The following GTF2IRD1 variants were observed in gnomAD, a reference collection of about 807,000 sequenced individuals.
GTF2IRD1 encodes the protein GTF2I repeat domain containing 1, also known as general transcription factor II-I repeat domain-containing protein 1.
In GTF2IRD1, 26 loss-of-function variants were observed where a neutral mutation model predicts 113.2. That is an observed-to-expected ratio of 0.23 (90% CI 0.17 to 0.32). The LOEUF (loss-of-function observed/expected upper bound fraction) is 0.32, where lower values mean the gene tolerates loss of function less well. Among genes scored for constraint, GTF2IRD1 ranks in the 10% least tolerant of loss-of-function variants. The pLI, the probability that GTF2IRD1 is intolerant of heterozygous loss-of-function variation, is 1.00. For missense variants in GTF2IRD1, 864 were observed against 1,280.8 expected (o/e 0.67, Z 4.97); for synonymous variants, 484 against 529.1 (o/e 0.91, Z 1.17).
At chr7:74,563,521 C>G (rs587763302) in intron 22 of GTF2IRD1, among the ~76,000 whole-genome samples, 42 of 151,570 alleles carry the variant, frequency 2.8e-4, no homozygotes, top group African/African-American at 9.9e-4. Flanking sequence ...AGGTTGCAGT[C>G]AGCCAAGATC....
chr7:74,505,003 TG>T (rs1796230237), intron 1 of GTF2IRD1, among the ~76,000 whole-genome samples: 1 of 151,994 alleles, frequency 6.6e-6, no homozygotes, highest in Non-Finnish European at 1.5e-5. Flanking sequence ...CCACTGCGCC[TG>T]GCCCTGCTAT....
rs1167468655 is a variant in GTF2IRD1, at chr7:74,562,555, C to CTTTTTTTTTTTT, written c.2320+2918_2320+2929dup. Among the ~76,000 whole-genome samples the CTTTTTTTTTTTT allele has an allele frequency of 1.9e-4, 12 of 62,706 alleles. 1 individual carries two copies. Among genetic ancestry groups the CTTTTTTTTTTTT allele is most frequent in the African/African-American group, 4.8e-4 (6 of 12,568 alleles). The allele number at this position is 62,706 out of a possible 152,430, so 41.1% of individuals were successfully genotyped here. On this transcript the variant is annotated intron_variant, in intron 22 of 26. Transcript: ENST00000424337. Reference sequence around the variant, plus strand: ...AGGACTATTTTCCGCCAATTGCCCTCTTTTTTTTTTTTTTTTTTTTTTTTT... The same window carrying CTTTTTTTTTTTT: ...AGGACTATTTTCCGCCAATTGCCCTCTTTTTTTTTTTTTTTTTTTTTTTTTTTTTTTTTTTTT...
chr7:74,472,785 A>G (rs1480099488), intron 1 of GTF2IRD1, among the ~76,000 whole-genome samples: 1 of 152,040 alleles, frequency 6.6e-6, no homozygotes, highest in Admixed American at 6.6e-5. Context: ...CAATCAATCA[A>G]TCCACATCCA....
At chr7:74,535,210 C>A in intron 10 of GTF2IRD1, 72 bp downstream of exon 10, 1 of 1,243,576 alleles carries the variant, frequency 8.0e-7, no homozygotes, top group South Asian at 1.2e-5. Flanking sequence ...GCTGCCACCA[C>A]CCTGGACTTG....
chr7:74,581,700 C>A (rs1801430295), intron 22 of GTF2IRD1, among the ~76,000 whole-genome samples: 1 of 152,190 alleles, frequency 6.6e-6, no homozygotes, highest in African/African-American at 2.4e-5. Flanking sequence ...ATGACCCCAC[C>A]TGCAGCTCTC....
At chr7:74,560,340 A>C (rs1213901739) in intron 22 of GTF2IRD1, among the ~76,000 whole-genome samples, 1 of 151,982 alleles carries the variant, frequency 6.6e-6, no homozygotes, top group Non-Finnish European at 1.5e-5. Context: ...TAACCGCAGA[A>C]GGAGGGGTGT....
At chr7:74,496,454 T>C (rs533600317) in intron 1 of GTF2IRD1, among the ~76,000 whole-genome samples, 69 of 142,562 alleles carry the variant, frequency 4.8e-4, no homozygotes, top group Middle Eastern at 3.6e-3. Context: ...TGAGTGTGGG[T>C]GTGCATGTGT....
chr7:74,483,194 A>G (rs1554334973), intron 1 of GTF2IRD1, among the ~76,000 whole-genome samples: 2 of 152,106 alleles, frequency 1.3e-5, no homozygotes, highest in East Asian at 3.9e-4. Context: ...TGCTAAGCAT[A>G]TACTTCTCAG....
At chr7:74,509,321 C>T (rs1554342195) in intron 2 of GTF2IRD1, among the ~76,000 whole-genome samples, 2 of 151,930 alleles carry the variant, frequency 1.3e-5, no homozygotes, top group African/African-American at 2.4e-5. Flanking sequence ...AGCACCACTG[C>T]ACTCCCGCCT....
At chr7:74,495,042 C>G (rs1037400677) in intron 1 of GTF2IRD1, among the ~76,000 whole-genome samples, 16 of 152,352 alleles carry the variant, frequency 1.1e-4, no homozygotes, top group African/African-American at 3.8e-4. Context: ...GCATGAGCCA[C>G]CACACCTGGC....
At chr7:74,540,409 G>A (rs1273116178) in intron 14 of GTF2IRD1, among the ~76,000 whole-genome samples, 19 of 152,032 alleles carry the variant, frequency 1.2e-4, no homozygotes, top group Non-Finnish European at 2.2e-4. Flanking sequence ...GCCTCCCAAA[G>A]TGCTGGGATT....
intron 1 of GTF2IRD1, among the ~76,000 whole-genome samples, chr7:74,485,245 G>A (rs1051957955): frequency 4.6e-5 from 7 of 152,182 alleles, no homozygotes; most frequent in African/African-American, 1.4e-4. Flanking sequence ...ATGGATGTTT[G>A]GACACACTTT....
intron 19 of GTF2IRD1, among the ~76,000 whole-genome samples, chr7:74,556,211 C>A (rs1230486670): frequency 6.6e-6 from 1 of 151,382 alleles, no homozygotes; most frequent in Non-Finnish European, 1.5e-5. Flanking sequence ...GAGATCATGC[C>A]ACTGCACTCC....
chr7:74,458,096 C>T (rs1251273084), intron 1 of GTF2IRD1, among the ~76,000 whole-genome samples: 2 of 152,012 alleles, frequency 1.3e-5, no homozygotes, highest in Non-Finnish European at 2.9e-5. Flanking sequence ...GTCTAGAACT[C>T]CTGACCTCAA....
chr7:74,590,008 G>A, intron 23 of GTF2IRD1, 80 bp downstream of exon 23: 2 of 851,080 alleles, frequency 2.3e-6, no homozygotes, highest in Non-Finnish European at 3.9e-6. Context: ...AGCCAGCCTG[G>A]CTTTCAGGAG....
chr7:74,491,530 C>T (rs55770013), intron 1 of GTF2IRD1, among the ~76,000 whole-genome samples: 37,155 of 151,634 alleles, frequency 0.25, 4,714 homozygotes, highest in South Asian at 0.38. Context: ...TCTCTGTGTC[C>T]ATGTGTTCTC....
At chr7:74,488,706 T>C (rs37608) in intron 1 of GTF2IRD1, among the ~76,000 whole-genome samples, 100,188 of 151,844 alleles carry the variant, frequency 0.66, 33,381 homozygotes, top group Admixed American at 0.74. Flanking sequence ...ATCGAGGCTG[T>C]AGTTAGCTAT....
intron 22 of GTF2IRD1, among the ~76,000 whole-genome samples, chr7:74,570,088 C>T (rs1583915631): frequency 6.6e-6 from 1 of 152,078 alleles, no homozygotes; most frequent in Non-Finnish European, 1.5e-5. Context: ...CAGGGCCGGG[C>T]GCGGTGGCTC....
intron 1 of GTF2IRD1, among the ~76,000 whole-genome samples, chr7:74,491,131 C>G (rs1795311565): frequency 6.6e-6 from 1 of 151,758 alleles, no homozygotes; most frequent in African/African-American, 2.4e-5. Flanking sequence ...CATGGTGAAA[C>G]CCCATCTCTA....
Sources: allele counts gnomAD v4.1 joint callset (sites outside exome capture counted in the v4.1 genomes callset), GRCh38; gene constraint gnomAD v4.1.1; transcripts MANE v1.5; gene names NCBI Gene and HGNC (gene_info 2026-07-23, HGNC 2026-07-21).